The following NLGN4X variants were observed in gnomAD, a reference collection of about 807,000 sequenced individuals.
NLGN4X encodes neuroligin 4 X-linked, also known as neuroligin-4, X-linked.
NLGN4X carries 3 observed loss-of-function variants against 40.3 expected under a neutral mutation model. The observed-to-expected ratio is 0.07, with a 90% CI of 0.03 to 0.19. The LOEUF (loss-of-function observed/expected upper bound fraction) is 0.19. Among genes scored for constraint, NLGN4X ranks in the 10% least tolerant of loss-of-function variants. The pLI is 1.00. For synonymous variants in NLGN4X, 270 were observed against 306.8 expected (o/e 0.88, Z 1.25); for missense variants, 382 against 708.3 (o/e 0.54, Z 5.23).
At chrX:6,048,128 A>C (rs985173592) in intron 2 of NLGN4X, among the ~76,000 whole-genome samples, 7 of 111,651 alleles carry the variant, frequency 6.3e-5, no homozygotes, top group African/African-American at 2.3e-4. Context: ...CCACTCTGTG[A>C]AATGTCTTTA....
At chrX:6,130,867 G>A (rs2039664426) in intron 2 of NLGN4X, among the ~76,000 whole-genome samples, 1 of 111,874 alleles carries the variant, frequency 8.9e-6, no homozygotes. Flanking sequence ...ATTCTTTAGA[G>A]TATTCATATA....
intron 3 of NLGN4X, among the ~76,000 whole-genome samples, chrX:5,959,363 C>T (rs1050567977): frequency 8.9e-6 from 1 of 111,818 alleles, no homozygotes; most frequent in South Asian, 3.7e-4. Flanking sequence ...TTTCTCTAAA[C>T]GATTTTAGCC....
At chrX:5,921,156 T>G (rs202227714) in intron 3 of NLGN4X, among the ~76,000 whole-genome samples, 3 of 74,200 alleles carry the variant, frequency 4.0e-5, no homozygotes, top group African/African-American at 1.7e-4. Context: ...TACATATATA[T>G]ATATATATAT....
chrX:6,142,048 T>TA (rs973671288), intron 2 of NLGN4X, among the ~76,000 whole-genome samples: 3 of 110,242 alleles, frequency 2.7e-5, no homozygotes, highest in African/African-American at 9.9e-5. Flanking sequence ...TGACAATTTC[T>TA]AAAAAAAAAT....
chrX:5,989,786 T>C (rs1391000284), intron 3 of NLGN4X, among the ~76,000 whole-genome samples: 12 of 111,559 alleles, frequency 1.1e-4, no homozygotes, highest in African/African-American at 3.6e-4. Flanking sequence ...AAGACCCCCA[T>C]TGGATGCCTC....
At position 5,998,717 on chromosome X, in the gene NLGN4X, G is replaced by GA. The variant is rs982629465; in HGVS notation, c.625+30562dup. ...TGGCAGTTGCATTTTAAACACTGGG[G>GA]AAAAAAAAGAGGAAAAAAAGATCAT... is the stretch of plus-strand genomic sequence containing the variant. On this transcript the variant is annotated intron_variant, in intron 3 of 5. Coordinates refer to ENST00000381095, the MANE Select transcript of NLGN4X (RefSeq NM_181332.3). 5.4e-5 allele frequency among the ~76,000 whole-genome samples: 6 copies of GA among 111,826 alleles called. No homozygotes were observed. The South Asian group carries it at 1.5e-3, about 28-fold the overall frequency.
chrX:6,112,615 G>A (rs1393363910), intron 2 of NLGN4X, among the ~76,000 whole-genome samples: 2 of 101,249 alleles, frequency 2.0e-5, no homozygotes, highest in Non-Finnish European at 4.0e-5. Flanking sequence ...ATGGAGTCTC[G>A]CTCTATCACC....
At chrX:6,093,625 T>A (rs1320657490) in intron 2 of NLGN4X, among the ~76,000 whole-genome samples, 1 of 111,152 alleles carries the variant, frequency 9.0e-6, no homozygotes, top group African/African-American at 3.3e-5. Flanking sequence ...ACTGTCACAT[T>A]GAAAAAAAGA....
chrX:6,021,964 C>T (rs1469046221), intron 3 of NLGN4X, among the ~76,000 whole-genome samples: 1 of 111,704 alleles, frequency 9.0e-6, no homozygotes, highest in African/African-American at 3.3e-5. Flanking sequence ...CCTTTTGCTA[C>T]TTCCTGGGTT....
intron 3 of NLGN4X, among the ~76,000 whole-genome samples, chrX:6,021,091 T>C (rs1483276075): frequency 2.1e-5 from 1 of 48,041 alleles, no homozygotes; most frequent in Non-Finnish European, 3.6e-5. Flanking sequence ...TCTCTCTCTC[T>C]CCCCCTCTCC....
intron 1 of NLGN4X, among the ~76,000 whole-genome samples, chrX:6,157,751 C>T (rs2040301113): frequency 3.6e-5 from 4 of 111,208 alleles, no homozygotes; most frequent in Middle Eastern, 4.2e-3. Context: ...GGGCATCCAC[C>T]CTCATGATCT....
intron 2 of NLGN4X, among the ~76,000 whole-genome samples, chrX:6,065,104 G>A (rs1432062489): frequency 9.1e-6 from 1 of 110,075 alleles, no homozygotes; most frequent in East Asian, 2.9e-4. Flanking sequence ...AAACACAAGG[G>A]TCTACTTCAA....
chrX:5,920,801 C>T (rs1336211074), intron 3 of NLGN4X, among the ~76,000 whole-genome samples: 3 of 110,908 alleles, frequency 2.7e-5, no homozygotes, highest in Admixed American at 9.6e-5. Context: ...AGGACTGTGG[C>T]CAAATGATTG....
chrX:6,196,056 G>C (rs898298067), intron 1 of NLGN4X, among the ~76,000 whole-genome samples: 2 of 111,343 alleles, frequency 1.8e-5, no homozygotes, highest in Non-Finnish European at 3.8e-5. Flanking sequence ...GCCTACCAAA[G>C]TGCTGAGATT....
intron 3 of NLGN4X, among the ~76,000 whole-genome samples, chrX:6,004,392 A>C (rs1343058065): frequency 8.9e-5 from 10 of 112,143 alleles, no homozygotes; most frequent in Admixed American, 9.5e-5. Flanking sequence ...AAACAACATA[A>C]GGGAAAAATG....
intron 2 of NLGN4X, among the ~76,000 whole-genome samples, chrX:6,111,048 C>A (rs1032601267): frequency 1.8e-5 from 2 of 111,587 alleles, no homozygotes; most frequent in Non-Finnish European, 3.8e-5. Context: ...GACCATGATG[C>A]AAGGCAATGA....
At chrX:5,896,186 G>A (rs2031482869) in intron 5 of NLGN4X, among the ~76,000 whole-genome samples, 2 of 111,616 alleles carry the variant, frequency 1.8e-5, no homozygotes, top group South Asian at 7.6e-4. Context: ...TATTTTCGAA[G>A]GAACTCAGGG....
At chrX:6,071,463 A>T (rs1226695500) in intron 2 of NLGN4X, among the ~76,000 whole-genome samples, 1 of 111,627 alleles carries the variant, frequency 9.0e-6, no homozygotes, top group Non-Finnish European at 1.9e-5. Flanking sequence ...TAAATCAGTG[A>T]AGAAAAGATT....
At chrX:6,015,791 G>A (rs763527121) in intron 3 of NLGN4X, among the ~76,000 whole-genome samples, 13 of 112,120 alleles carry the variant, frequency 1.2e-4, no homozygotes, top group African/African-American at 3.6e-4. Context: ...GGACGGGATA[G>A]CAGTGGACTG....
Sources: gnomAD v4.1 joint callset for allele counts (sites outside exome capture counted in the v4.1 genomes callset) on GRCh38, gnomAD v4.1.1 for gene constraint, MANE v1.5 for transcripts, NCBI Gene and HGNC (gene_info 2026-07-23, HGNC 2026-07-21) for gene names.